PPP2R2A: variants seen among roughly 807,000 people sequenced by gnomAD.
The protein encoded by PPP2R2A is serine/threonine-protein phosphatase 2A 55 kDa regulatory subunit B alpha isoform.
A neutral mutation model predicts 53.2 loss-of-function variants in PPP2R2A; 9 were observed. The observed-to-expected ratio is 0.17, with a 90% CI of 0.10 to 0.30. The LOEUF is 0.30. Ranked by LOEUF, PPP2R2A falls within the 10% of genes least tolerant of loss-of-function variation. The probability of loss-of-function intolerance (pLI) is 1.00; values close to 1 mark genes in which losing one functional copy is unlikely to be tolerated. For missense variants in PPP2R2A, 235 were observed against 534.6 expected (o/e 0.44, Z 5.53); for synonymous variants, 169 against 174.2 (o/e 0.97, Z 0.23).
At chr8:26,347,739 A>G (rs1212886105) in intron 3 of PPP2R2A, among the ~76,000 whole-genome samples, 1 of 152,180 alleles carries the variant, frequency 6.6e-6, no homozygotes. Flanking sequence ...TTGATAGGAT[A>G]TTGTGACTGA....
Position 26,354,362 on chromosome 8 carries a change from C to A in PPP2R2A, c.181-106C>A. On this transcript the variant is annotated intron_variant, in intron 3 of 9. Transcript: ENST00000380737. The surrounding 1 kb of genome is among the most constrained non-coding windows in gnomAD (Gnocchi z 4.6). ...AGAATGTAATTGTATAAAGACACAA[C>A]TAATGGGGTATTGAGAATGTGCAGG... 3.6e-6 allele frequency: 3 copies of A among 841,172 alleles called. No individual in the cohort carries two copies. The highest frequency in any genetic ancestry group is 5.1e-6 in the Non-Finnish European group (3 of 586,988). 52.1% of individuals were successfully genotyped at this position (841,172 alleles called of 1,614,324 possible).
At chr8:26,344,416 G>A (rs539305156) in intron 3 of PPP2R2A, among the ~76,000 whole-genome samples, 1 of 152,298 alleles carries the variant, frequency 6.6e-6, no homozygotes, top group South Asian at 2.1e-4. Flanking sequence ...CCTGTTTGGT[G>A]TGATGAGCCT....
intron 2 of PPP2R2A, among the ~76,000 whole-genome samples, chr8:26,325,048 T>G (rs78871548): frequency 6.7e-6 from 1 of 150,292 alleles, no homozygotes; most frequent in Non-Finnish European, 1.5e-5. Context: ...TGTGGACTTT[T>G]GAGTTAATGC....
intron 2 of PPP2R2A, among the ~76,000 whole-genome samples, chr8:26,304,227 G>A (rs550906834): frequency 2.0e-5 from 3 of 151,790 alleles, no homozygotes; most frequent in Middle Eastern, 6.8e-3. Flanking sequence ...TAATATGGGA[G>A]GGATTAATCA....
chr8:26,351,353 T>G (rs1804502790), intron 3 of PPP2R2A, among the ~76,000 whole-genome samples: 1 of 152,104 alleles, frequency 6.6e-6, no homozygotes, highest in Non-Finnish European at 1.5e-5. Flanking sequence ...AAAGTCAGCC[T>G]TACTACCTTA....
chr8:26,293,835 C>T (rs371816372), intron 2 of PPP2R2A, 95 bp downstream of exon 2: 1 of 1,133,566 alleles, frequency 8.8e-7, no homozygotes, highest in African/African-American at 1.6e-5. Flanking sequence ...GCTATAAATT[C>T]AAGATGATTT....
At chr8:26,350,757 A>G (rs930469379) in intron 3 of PPP2R2A, 4 of 152,108 alleles carry the variant, frequency 2.6e-5, no homozygotes, top group African/African-American at 9.7e-5. Flanking sequence ...TTTGGAAGTG[A>G]CTATCGAAAT....
In PPP2R2A at chr8:26,338,232, A is replaced by G. The variant is rs533055173; in HGVS notation, c.83-658A>G. Among the ~76,000 whole-genome samples the G allele has an allele frequency of 3.7e-4, 57 of 152,292 alleles. 1 individual carries two copies. Among genetic ancestry groups the G allele is most frequent in the Non-Finnish European group, 6.3e-4 (43 of 68,008 alleles). On this transcript the variant is annotated intron_variant, in intron 2 of 9. Coordinates refer to ENST00000380737, the MANE Select transcript of PPP2R2A (RefSeq NM_002717.4). This position sits in a 1 kb window ranked among gnomAD's most constrained non-coding sequence, Gnocchi z 4.5. Reference sequence around the variant, plus strand: ...GAAAAACCAAGAAAAAAAACTTGACAGTTTTCTTTGATCATGACTGTGAAG... The same window carrying G: ...GAAAAACCAAGAAAAAAAACTTGACGGTTTTCTTTGATCATGACTGTGAAG...
At chr8:26,311,785 C>T (rs1171546968) in intron 2 of PPP2R2A, among the ~76,000 whole-genome samples, 5 of 152,058 alleles carry the variant, frequency 3.3e-5, no homozygotes, top group Admixed American at 3.3e-4. Context: ...TTATTCTTCC[C>T]TATAATTATA....
At chr8:26,325,647 T>C (rs1803051358) in intron 2 of PPP2R2A, among the ~76,000 whole-genome samples, 1 of 152,188 alleles carries the variant, frequency 6.6e-6, no homozygotes, top group South Asian at 2.1e-4. Context: ...ACTTTATCAA[T>C]TATCAAGCCT....
intron 2 of PPP2R2A, among the ~76,000 whole-genome samples, chr8:26,317,851 GT>G (rs1365903418): frequency 1.3e-5 from 2 of 152,206 alleles, no homozygotes; most frequent in Non-Finnish European, 2.9e-5. Flanking sequence ...AGGATTGCAG[GT>G]TTGTTCTGCT....
At chr8:26,310,668 C>CTT (rs79086645) in intron 2 of PPP2R2A, among the ~76,000 whole-genome samples, 21 of 46,888 alleles carry the variant, frequency 4.5e-4, no homozygotes, top group African/African-American at 1.4e-3. Flanking sequence ...TTTTTTTTTC[C>CTT]TTTTTTTTTT....
At chr8:26,314,888 T>TTCCCCCCC (rs1563291388) in intron 2 of PPP2R2A, among the ~76,000 whole-genome samples, 3 of 65,794 alleles carry the variant, frequency 4.6e-5, no homozygotes, top group African/African-American at 1.3e-4. Context: ...TTTTTTCCCT[T>TTCCCCCCC]CCCCCCCCCC....
rs200126340 is a variant in PPP2R2A, at chr8:26,354,670, G to A, written c.346+37G>A. The A allele has an allele frequency of 6.7e-7, 1 of 1,487,068 alleles. No homozygotes were observed. The highest frequency in any genetic ancestry group is 2.0e-5 in the Admixed American group (1 of 50,144). 92.1% of individuals were successfully genotyped at this position (1,487,068 alleles called of 1,614,324 possible). A position where few individuals can be genotyped will look rare whatever the true frequency, so the allele number is the denominator to read the frequency against. On this transcript the variant is annotated intron_variant, in intron 4 of 9. Transcript: ENST00000380737. This position sits in a 1 kb window ranked among gnomAD's most constrained non-coding sequence, Gnocchi z 4.6. ...TATTTTCTTTCCATGTGCCCACTGT[G>A]TGTACCTGTTGCACATATCCTGTAG...
rs190328458 is a variant in PPP2R2A at position 26,357,900 on chromosome 8, T to A, written c.347-2269T>A. ...CTAATAACGTCTCCACTGAAAACTG[T>A]GTTTTTACATAATCTCACATACAGT... is the stretch of plus-strand genomic sequence containing the variant. On this transcript the variant is annotated intron_variant, in intron 4 of 9. Coordinates refer to ENST00000380737, the MANE Select transcript of PPP2R2A (RefSeq NM_002717.4). Among the ~76,000 whole-genome samples, 470 of 152,228 alleles carry A rather than the reference T, an allele frequency of 3.1e-3. 10 individuals carry two copies. Among genetic ancestry groups the A allele is most frequent in the Admixed American group, 0.026 (400 of 15,284 alleles).
At position 26,291,776 on chromosome 8, in the gene PPP2R2A, G is replaced by T. The variant is rs750354417; in HGVS notation, c.-44G>T. The T allele has an allele frequency of 1.7e-5, 27 of 1,590,836 alleles. No homozygotes were observed. The highest frequency in any genetic ancestry group is 1.6e-4 in the Admixed American group (9 of 57,398). ...GGTGAGGGGGGTGAGTTCAGGAAGC[G>T]GAGACCCCGAGGAACCCAGCAGGGT... On this transcript the variant is annotated 5_prime_UTR_variant, in exon 1 of 10. Coordinates refer to ENST00000380737, the MANE Select transcript of PPP2R2A (RefSeq NM_002717.4).
intron 2 of PPP2R2A, among the ~76,000 whole-genome samples, chr8:26,328,679 AT>A (rs1183079496): frequency 3.3e-5 from 5 of 152,236 alleles, no homozygotes; most frequent in Non-Finnish European, 7.3e-5. Flanking sequence ...CGTAGACCAT[AT>A]TCTTAGAGAT....
At chr8:26,343,624 G>T (rs935329360) in intron 3 of PPP2R2A, among the ~76,000 whole-genome samples, 1 of 152,106 alleles carries the variant, frequency 6.6e-6, no homozygotes, top group East Asian at 1.9e-4. Context: ...CCCGTCTCGT[G>T]ATCCACCCAC....
chr8:26,307,093 G>T (rs1232038056), intron 2 of PPP2R2A, among the ~76,000 whole-genome samples: 1 of 152,214 alleles, frequency 6.6e-6, no homozygotes, highest in Non-Finnish European at 1.5e-5. Context: ...AAGAGGATCT[G>T]ATGAGTTGCC....
Sources: allele counts gnomAD v4.1 joint callset (sites outside exome capture counted in the v4.1 genomes callset), GRCh38; gene constraint gnomAD v4.1.1; non-coding constraint Gnocchi (gnomAD v3.1); transcripts MANE v1.5; gene names NCBI Gene and HGNC (gene_info 2026-07-23, HGNC 2026-07-21).